MYT1L: variants seen among roughly 807,000 people sequenced by gnomAD.
The protein encoded by MYT1L is myelin transcription factor 1 like.
A neutral mutation model predicts 126.7 loss-of-function variants in MYT1L; 12 were observed. That is an observed-to-expected ratio of 0.09 (90% CI 0.06 to 0.15). MYT1L has a LOEUF of 0.15. MYT1L is among the 10% of genes least tolerant of loss of function. The pLI, the probability that MYT1L is intolerant of heterozygous loss-of-function variation, is 1.00. For missense variants in MYT1L, 979 were observed against 1,585.2 expected, an observed-to-expected ratio of 0.62 and a Z score of 6.49; for synonymous variants, 541 against 604.2, an observed-to-expected ratio of 0.90 and a Z score of 1.53.
chr2:2,287,179 C>G (rs898722431), intron 1 of MYT1L, among the ~76,000 whole-genome samples: 53 of 152,124 alleles, frequency 3.5e-4, no homozygotes, highest in Non-Finnish European at 1.0e-4. Context: ...TAGCTTGAAC[C>G]TGGGAGGCAG....
intron 1 of MYT1L, among the ~76,000 whole-genome samples, chr2:2,314,677 C>T (rs1312476455): frequency 6.6e-6 from 1 of 152,122 alleles, no homozygotes; most frequent in Non-Finnish European, 1.5e-5. Context: ...TATTAAGCTC[C>T]ACATGTATTA....
At chr2:2,278,920 C>G (rs1050583397) in intron 2 of MYT1L, among the ~76,000 whole-genome samples, 6 of 152,142 alleles carry the variant, frequency 3.9e-5, no homozygotes, top group African/African-American at 1.4e-4. Context: ...AGGCCCCTCT[C>G]TTTCTCTTGT....
intron 14 of MYT1L, among the ~76,000 whole-genome samples, chr2:1,898,943 T>C (rs1022359808): frequency 6.6e-6 from 1 of 152,178 alleles, no homozygotes; most frequent in Non-Finnish European, 1.5e-5. Flanking sequence ...GGGAGTTGTC[T>C]GTGTGGCCAG....
chr2:2,173,072 ACACT>A (rs1479017103), intron 2 of MYT1L, 84 bp from the exon 3 acceptor site: 4 of 152,274 alleles, frequency 2.6e-5, no homozygotes, highest in Admixed American at 6.5e-5. Context: ...CTGTGCTGTG[ACACT>A]CACAACAGCT....
chr2:1,913,224 G>C (rs1273954066), intron 11 of MYT1L, among the ~76,000 whole-genome samples: 6 of 152,176 alleles, frequency 3.9e-5, no homozygotes, highest in Admixed American at 2.0e-4. Context: ...TCCACACCCT[G>C]TCTTCTTACT....
intron 2 of MYT1L, among the ~76,000 whole-genome samples, chr2:2,233,460 T>A (rs1158416820): frequency 3.9e-5 from 6 of 152,184 alleles, no homozygotes; most frequent in African/African-American, 1.4e-4. Flanking sequence ...CGCCTGTGTC[T>A]TGGAGGCCGC....
intron 21 of MYT1L, 57 bp downstream of exon 21, chr2:1,839,092 C>A (rs2041283469): frequency 1.4e-6 from 2 of 1,472,656 alleles, no homozygotes; most frequent in Non-Finnish European, 1.8e-6. Flanking sequence ...ACCAGCCGTG[C>A]CAGTCGGCTC....
chr2:1,843,438 A>G (rs2042089861), intron 19 of MYT1L, among the ~76,000 whole-genome samples: 1 of 151,890 alleles, frequency 6.6e-6, no homozygotes, highest in Non-Finnish European at 1.5e-5. Context: ...TATCCTACCC[A>G]GGGAGAATTA....
intron 18 of MYT1L, chr2:1,886,234 A>G: frequency 3.6e-6 from 1 of 277,800 alleles, no homozygotes; most frequent in Non-Finnish European, 6.6e-6. Flanking sequence ...AATTTGAGTA[A>G]CTGTAAAATT....
chr2:2,217,688 C>CAAAAAAAAAAAAAAAAAAA (rs1192733884), intron 2 of MYT1L, among the ~76,000 whole-genome samples: 1 of 70,880 alleles, frequency 1.4e-5, no homozygotes, highest in African/African-American at 7.9e-5. Context: ...ACAACAACAA[C>CAAAAAAAAAAAAAAAAAAA]AACAACAACA....
chr2:1,921,966 G>A (rs1271203900), intron 10 of MYT1L, among the ~76,000 whole-genome samples: 1 of 152,140 alleles, frequency 6.6e-6, no homozygotes, highest in East Asian at 1.9e-4. Flanking sequence ...TAATAGCACA[G>A]GCTTACCCTA....
At chr2:2,173,927 C>T (rs1024819121) in intron 2 of MYT1L, among the ~76,000 whole-genome samples, 1 of 152,168 alleles carries the variant, frequency 6.6e-6, no homozygotes, top group Non-Finnish European at 1.5e-5. Flanking sequence ...AGATGATAGC[C>T]AGAGTGCTTA....
At chr2:2,278,935 A>G (rs980513162) in intron 2 of MYT1L, among the ~76,000 whole-genome samples, 3 of 152,086 alleles carry the variant, frequency 2.0e-5, no homozygotes, top group Non-Finnish European at 4.4e-5. Flanking sequence ...TCTTGTTCTA[A>G]CTTCTTAACC....
At chr2:2,023,813 C>T (rs761579879) in intron 4 of MYT1L, among the ~76,000 whole-genome samples, 4 of 152,134 alleles carry the variant, frequency 2.6e-5, no homozygotes, top group African/African-American at 7.2e-5. Flanking sequence ...CAAGCATTAA[C>T]GTTAAAATCA....
At chr2:1,999,050 C>T (rs1488732232) in intron 4 of MYT1L, among the ~76,000 whole-genome samples, 1 of 152,146 alleles carries the variant, frequency 6.6e-6, no homozygotes, top group Non-Finnish European at 1.5e-5. Flanking sequence ...ATAACAGCAC[C>T]ACCACTTACT....
intron 2 of MYT1L, among the ~76,000 whole-genome samples, chr2:2,213,961 T>A (rs1244189060): frequency 6.6e-6 from 1 of 152,178 alleles, no homozygotes; most frequent in African/African-American, 2.4e-5. Context: ...GTATTTTATA[T>A]ATTCAAAGAG....
rs769330618 is a variant in MYT1L, at chr2:1,903,243, G to A, written c.1869C>T (p.Asn623=). ...QLEIPQYGYR[N]NVPTTTPRSN... is the part of the protein sequence containing the mutation. ...AACGCGGCGTAGTTGTGGGGACATTGTTTCTGTAGCCATACTGAGGAATCT... is the reference window on the plus strand; with the variant it reads ...AACGCGGCGTAGTTGTGGGGACATTATTTCTGTAGCCATACTGAGGAATCT... Residue 623 remains asparagine (N), a synonymous_variant, in exon 14 of 25, where the codon AAC becomes AAT. Coordinates refer to ENST00000647738, the MANE Select transcript of MYT1L (RefSeq NM_001303052.2). The A allele has an allele frequency of 6.2e-7, 1 of 1,613,916 alleles. No homozygotes were observed. Among genetic ancestry groups the A allele is most frequent in the Admixed American group, 1.7e-5 (1 of 60,020 alleles).
At chr2:2,153,901 G>A (rs1443142567) in intron 3 of MYT1L, among the ~76,000 whole-genome samples, 1 of 152,132 alleles carries the variant, frequency 6.6e-6, no homozygotes, top group Non-Finnish European at 1.5e-5. Context: ...GGTGCAGCGT[G>A]TGAGAGGTAC....
chr2:2,081,731 ATATT>A (rs567922066), intron 3 of MYT1L, among the ~76,000 whole-genome samples: 9 of 151,764 alleles, frequency 5.9e-5, no homozygotes, highest in African/African-American at 9.7e-5. Flanking sequence ...TTATTTATTT[ATATT>A]TATTTATTTA....
Sources: allele counts gnomAD v4.1 joint callset (sites outside exome capture counted in the v4.1 genomes callset), GRCh38; gene constraint gnomAD v4.1.1; transcripts MANE v1.5; gene names NCBI Gene and HGNC (gene_info 2026-07-23, HGNC 2026-07-21).